The following KCNK4 variants were observed in gnomAD, a reference collection of about 807,000 sequenced individuals.
KCNK4 encodes the protein potassium two pore domain channel subfamily K member 4, also known as potassium channel subfamily K member 4.
KCNK4 carries 22 observed loss-of-function variants against 28.8 expected under a neutral mutation model. The observed-to-expected ratio is 0.76, with a 90% CI of 0.55 to 1.09. KCNK4 has a LOEUF of 1.09. KCNK4 is among the 50% of genes least tolerant of loss of function. The pLI is 0.00. For synonymous variants in KCNK4, 263 were observed against 252.9 expected (o/e 1.04, Z -0.38); for missense variants, 483 against 546.3 (o/e 0.88, Z 1.15).
chr11:64,291,387 G>C lies in KCNK4; in HGVS notation c.-257G>C, dbSNP rs1319335257. On this transcript the variant is annotated 5_prime_UTR_variant, in exon 1 of 7. Coordinates refer to ENST00000422670, the MANE Select transcript of KCNK4 (RefSeq NM_033310.3). ...CCGGTAATGGGCCTGGGAGATGCCA[G>C]ATTAGCGTGGTGCCTGTCCGGAGAG... 6.6e-6 allele frequency: 1 copy of C among 152,424 alleles called. No individual in the cohort carries two copies. Among genetic ancestry groups the C allele is most frequent in the Non-Finnish European group, 1.5e-5 (1 of 68,180 alleles). The allele number at this position is 152,424 out of a possible 1,614,324, so 9.4% of individuals were successfully genotyped here.
intron 2 of KCNK4, among the ~76,000 whole-genome samples, chr11:64,294,412 G>A (rs1372637893): frequency 6.6e-6 from 1 of 151,082 alleles, no homozygotes; most frequent in Non-Finnish European, 1.5e-5. Context: ...CAGCTACTCG[G>A]GAGGCTGAGG....
At chr11:64,297,348 A>T in intron 4 of KCNK4, 69 bp downstream of exon 4, 6 of 1,576,092 alleles carry the variant, frequency 3.8e-6, no homozygotes, top group South Asian at 2.4e-5. Flanking sequence ...TCCCTGGCAC[A>T]TGAGCGCGCC....
intron 4 of KCNK4, 78 bp downstream of exon 4, chr11:64,297,357 C>T: frequency 1.3e-6 from 2 of 1,571,464 alleles, no homozygotes; most frequent in African/African-American, 1.3e-5. Context: ...CATGAGCGCG[C>T]CCCCAAAGAC....
intron 6 of KCNK4, among the ~76,000 whole-genome samples, chr11:64,298,678 G>C (rs1385348440): frequency 6.6e-6 from 1 of 151,752 alleles, no homozygotes; most frequent in Non-Finnish European, 1.5e-5. Flanking sequence ...GTAAGCCCTG[G>C]TCTCAAACAA....
chr11:64,298,041 G>A (rs1447305965), intron 5 of KCNK4, 69 bp from the exon 6 acceptor site: 13 of 1,554,210 alleles, frequency 8.4e-6, no homozygotes, highest in South Asian at 6.0e-5. Context: ...TGGGAGGGGG[G>A]CACTGAACCA....
intron 1 of KCNK4, 81 bp from the exon 2 acceptor site, chr11:64,292,861 T>G: frequency 7.4e-7 from 1 of 1,358,998 alleles, no homozygotes; most frequent in Non-Finnish European, 9.5e-7. Context: ...TTATGGATCT[T>G]TGGGTGTGTA....
chr11:64,299,512 C>G lies in KCNK4; in HGVS notation c.968C>G (p.Pro323Arg), dbSNP rs752675226. The G allele has an allele frequency of 3.1e-6, 5 of 1,609,454 alleles. No homozygotes were observed. The highest frequency in any genetic ancestry group is 1.3e-5 in the African/African-American group (1 of 74,504). The change falls in exon 7 of 7, where the codon CCC becomes CGC. Residue 323 changes from proline to arginine, a missense_variant. By Grantham distance (103) the Pro-to-Arg change is moderately radical. Transcript: ENST00000422670. The stretch of plus-strand genomic sequence containing the variant: ...GGCAGGCCCCGATCCCCTTCGCCCC[C>G]CGAGAAGGCTCAGCCGCCTTCCCCG... ...PLGRPRSPSP[P>R]EKAQPPSPPT...
At chr11:64,296,773 C>G in intron 2 of KCNK4, 105 bp from the exon 3 acceptor site, 1 of 1,216,738 alleles carries the variant, frequency 8.2e-7, no homozygotes, top group Non-Finnish European at 1.1e-6. Context: ...AAGGGGAGAA[C>G]AGGGAGGAGC....
At position 64,299,868 on chromosome 11, in the gene KCNK4, G is replaced by T. The variant is rs560961055; in HGVS notation, c.*142G>T. On this transcript the variant is annotated 3_prime_UTR_variant, in exon 7 of 7. Coordinates refer to ENST00000422670, the MANE Select transcript of KCNK4 (RefSeq NM_033310.3). ...CAGTTGCCTCTCCGCCTCCTCCCTG[G>T]CCCCGGCCCTTCCCTCACTTCCATC... 1.1e-5 allele frequency: 17 copies of T among 1,486,294 alleles called. No homozygotes were observed. In the South Asian group the frequency reaches 1.7e-4, roughly 15 times the overall value. 92.1% of individuals were successfully genotyped at this position (1,486,294 alleles called of 1,614,324 possible). A position where few individuals can be genotyped will look rare whatever the true frequency, so the allele number is the denominator to read the frequency against.
intron 1 of KCNK4, among the ~76,000 whole-genome samples, chr11:64,292,271 G>T (rs940710508): frequency 2.6e-5 from 4 of 152,124 alleles, no homozygotes; most frequent in Non-Finnish European, 5.9e-5. Context: ...TGTCTCGGGG[G>T]CTGTCGCCCC....
intron 2 of KCNK4, 22 bp downstream of exon 2, chr11:64,293,229 C>T: frequency 7.0e-7 from 1 of 1,426,416 alleles, no homozygotes; most frequent in Non-Finnish European, 9.2e-7. Flanking sequence ...GGCCGCAGCC[C>T]CTTCAGCTGT....
chr11:64,292,982 G>A lies in KCNK4; in HGVS notation c.-37G>A, dbSNP rs1279259498. On this transcript the variant is annotated 5_prime_UTR_variant, in exon 2 of 7. Coordinates refer to ENST00000422670, the MANE Select transcript of KCNK4 (RefSeq NM_033310.3). ...AGGAGCCCCCCGCCCGGCCCCTCCA[G>A]GCGGGCAGTGGAGCTGGCCCGGCGC... 1 of 1,513,736 alleles carries A rather than the reference G, an allele frequency of 6.6e-7. No homozygotes were observed. The highest frequency in any genetic ancestry group is 8.8e-7 in the Non-Finnish European group (1 of 1,133,120). The allele number at this position is 1,513,736 out of a possible 1,614,324, so 93.8% of individuals were successfully genotyped here.
chr11:64,297,738 C>G (rs1688820335), intron 5 of KCNK4, 85 bp downstream of exon 5: 1 of 1,417,142 alleles, frequency 7.1e-7, no homozygotes, highest in Non-Finnish European at 9.6e-7. Context: ...CCCTCCAGAT[C>G]CCATGTGGTT....
In KCNK4 at chr11:64,300,026, C is replaced by T. The variant is rs2034891386; in HGVS notation, c.*300C>T. 1.6e-6 allele frequency: 1 copy of T among 617,442 alleles called. No homozygotes were observed. Among genetic ancestry groups the T allele is most frequent in the South Asian group, 2.0e-5 (1 of 50,224 alleles). The allele number at this position is 617,442 out of a possible 1,614,324, so 38.2% of individuals were successfully genotyped here. The stretch of plus-strand genomic sequence containing the variant: ...TCTGCACCGCTGCGGGCGTGACGCT[C>T]CCGGACGCGAGTGGGTGTGGAATTG... On this transcript the variant is annotated 3_prime_UTR_variant, in exon 7 of 7. Transcript: ENST00000422670.
In KCNK4 at chr11:64,299,912, A is replaced by C. The variant is rs539853756; in HGVS notation, c.*186A>C. 3.6e-6 allele frequency: 4 copies of C among 1,108,180 alleles called. No individual in the cohort carries two copies. Among genetic ancestry groups the C allele is most frequent in the Non-Finnish European group, 5.1e-6 (4 of 781,790 alleles). The allele number at this position is 1,108,180 out of a possible 1,614,324, so 68.6% of individuals were successfully genotyped here. On this transcript the variant is annotated 3_prime_UTR_variant, in exon 7 of 7. Transcript: ENST00000422670. ...TTCCATCCATCTCTAGACCCCCCCA[A>C]GGCTTTCTGTGTCGCTGCCCCGGGC...
At chr11:64,297,906 G>A (rs755894298) in intron 5 of KCNK4, among the ~76,000 whole-genome samples, 2 of 152,116 alleles carry the variant, frequency 1.3e-5, no homozygotes, top group Non-Finnish European at 2.9e-5. Context: ...GCACGGGAGC[G>A]CCCCTTCTTG....
rs558208878 is a variant in KCNK4 at position 64,297,599 on chromosome 11, A to G, written c.607A>G (p.Ile203Val). 3 of 1,614,100 alleles carry G rather than the reference A, an allele frequency of 1.9e-6. No homozygotes were observed. The Admixed American group carries it at 5.0e-5, about 27-fold the overall frequency. The change falls in exon 5 of 7, where the codon ATC becomes GTC. Residue 203 changes from isoleucine to valine, a missense_variant. Ile to Val is a conservative substitution (Grantham distance 29). Transcript: ENST00000422670. ...YMEDWSKLEA[I>V]YFVIVTLTTV... The stretch of plus-strand genomic sequence containing the variant: ...GGAGGACTGGAGCAAGCTGGAGGCC[A>G]TCTACTTTGTCATAGTGACGCTTAC...
chr11:64,299,611 A>G lies in KCNK4; in HGVS notation c.1067A>G (p.Glu356Gly), dbSNP rs758386985. ...GACGAGTCCTCGGATACGCAGAGCG[A>G]GCGCGGCTGCCCGCTGCCCCGCGCG... Reference protein sequence around the residue: ...FIDESSDTQSERGCPLPRAPR... With the variant: ...FIDESSDTQSGRGCPLPRAPR... Residue 356 changes from glutamate to glycine, a missense_variant, in exon 7 of 7, where the codon GAG (glutamate) becomes GGG (glycine). Coordinates refer to ENST00000422670, the MANE Select transcript of KCNK4 (RefSeq NM_033310.3). 1 of 1,608,690 alleles carries G rather than the reference A, an allele frequency of 6.2e-7. No individual in the cohort carries two copies. Among genetic ancestry groups the G allele is most frequent in the Admixed American group, 1.7e-5 (1 of 59,660 alleles).
chr11:64,292,790 T>C, intron 1 of KCNK4, 152 bp from the exon 2 acceptor site: 1 of 729,924 alleles, frequency 1.4e-6, no homozygotes, highest in Non-Finnish European at 1.9e-6. Context: ...AGGCTGGAGA[T>C]AGGAGGGGGA....
Sources: gnomAD v4.1 joint callset for allele counts (sites outside exome capture counted in the v4.1 genomes callset) on GRCh38, gnomAD v4.1.1 for gene constraint, MANE v1.5 for transcripts, NCBI Gene and HGNC (gene_info 2026-07-23, HGNC 2026-07-21) for gene names.